Variants in ACAA2 observed in about 807,000 individuals in gnomAD.
ACAA2 encodes the protein acetyl-CoA acyltransferase 2, also known as 3-ketoacyl-CoA thiolase, mitochondrial.
Under a neutral mutation model 44.8 loss-of-function variants are expected in ACAA2, and 35 were observed. The observed-to-expected ratio is 0.78, with a 90% confidence interval of 0.60 to 1.04. The LOEUF is 1.04. Ranked by LOEUF, ACAA2 falls within the 50% of genes least tolerant of loss-of-function variation. ACAA2 has a pLI of 0.00. For synonymous variants in ACAA2, 142 were observed against 166.5 expected (o/e 0.85, Z 1.13); for missense variants, 468 against 482.6 (o/e 0.97, Z 0.28).
chr18:49,787,253 ATGT>A, intron 8 of ACAA2, 35 bp downstream of exon 8: 3 of 1,214,578 alleles, frequency 2.5e-6, no homozygotes, highest in Non-Finnish European at 2.1e-6. Flanking sequence ...TGGTTTATTC[ATGT>A]TGTTAAAAAA....
At chr18:49,798,977 C>A (rs899596944) in intron 2 of ACAA2, among the ~76,000 whole-genome samples, 6 of 151,946 alleles carry the variant, frequency 3.9e-5, no homozygotes, top group Admixed American at 3.9e-4. Context: ...TTGACAAATA[C>A]CACAAAGCTG....
chr18:49,786,926 T>G (rs1423789423), intron 8 of ACAA2, among the ~76,000 whole-genome samples: 1 of 152,168 alleles, frequency 6.6e-6, no homozygotes. Flanking sequence ...GCACTAAATA[T>G]TGCTTTTCTA....
chr18:49,791,578 C>A lies in ACAA2; in HGVS notation c.775G>T (p.Ala259Ser). The change falls in exon 7 of 10, where the codon GCT becomes TCT. Residue 259 changes from alanine (A) to serine (S), a missense_variant. Ala to Ser is a moderately conservative substitution (Grantham distance 99). Transcript: ENST00000285093. ...GCATCTTCACTAGCTATGATAACAGCTCCAGCACCATCAGCTACACCCTTG... is the reference window on the plus strand; with the variant it reads ...GCATCTTCACTAGCTATGATAACAGATCCAGCACCATCAGCTACACCCTTG... ...NASGVADGAGAVIIASEDAVK... is the reference protein window; with the variant it reads ...NASGVADGAGSVIIASEDAVK... The A allele has an allele frequency of 6.2e-7, 1 of 1,613,496 alleles. No homozygotes were observed. The highest frequency in any genetic ancestry group is 1.1e-5 in the South Asian group (1 of 91,048).
chr18:49,788,228 G>C (rs1395613271), intron 7 of ACAA2, among the ~76,000 whole-genome samples: 5 of 152,034 alleles, frequency 3.3e-5, no homozygotes, highest in Non-Finnish European at 5.9e-5. Flanking sequence ...TCTACTTCTC[G>C]ACTTGTTCTT....
At position 49,791,879 on chromosome 18, in the gene ACAA2, A is replaced by G. The variant is rs143197316; in HGVS notation, c.753+273T>C. Among the ~76,000 whole-genome samples the G allele has an allele frequency of 6.1e-4, 93 of 152,270 alleles. No homozygotes were observed. In the East Asian group the frequency reaches 0.014, roughly 22 times the overall value. On this transcript the variant is annotated intron_variant, in intron 6 of 9. Coordinates refer to ENST00000285093, the MANE Select transcript of ACAA2 (RefSeq NM_006111.3). The stretch of plus-strand genomic sequence containing the variant: ...ATACGATAAACTGTATGCATGAGAA[A>G]AAAAAAAGTTTGAAAACCAAAATAA...
chr18:49,804,279 T>G (rs532020733), intron 1 of ACAA2, among the ~76,000 whole-genome samples: 31 of 152,298 alleles, frequency 2.0e-4, no homozygotes, highest in African/African-American at 7.5e-4. Flanking sequence ...CCAATTCTAG[T>G]TCTCTCCAAA....
Position 49,783,005 on chromosome 18 carries a change from A to C in ACAA2, c.*842T>G, listed in dbSNP as rs2023284495. 6.6e-6 allele frequency: 1 copy of C among 152,224 alleles called. No individual in the cohort carries two copies. Among genetic ancestry groups the C allele is most frequent in the Non-Finnish European group, 1.5e-5 (1 of 68,050 alleles). 9.4% of individuals were successfully genotyped at this position (152,224 alleles called of 1,614,324 possible). A position where few individuals can be genotyped will look rare whatever the true frequency, so the allele number is the denominator to read the frequency against. On this transcript the variant is annotated 3_prime_UTR_variant, in exon 10 of 10. Coordinates refer to ENST00000285093, the MANE Select transcript of ACAA2 (RefSeq NM_006111.3). ...TAGAACAGACAAATAAAGCAATGGA[A>C]GTGTTGTGGGGGCATTTTAAAGGGA... is the stretch of plus-strand genomic sequence containing the variant.
chr18:49,809,854 G>C (rs535179403), intron 1 of ACAA2, among the ~76,000 whole-genome samples: 72 of 152,324 alleles, frequency 4.7e-4, no homozygotes, highest in Non-Finnish European at 1.2e-4. Flanking sequence ...GAATGAACTT[G>C]AATGCAAAAT....
chr18:49,803,507 T>G (rs1225035965), intron 1 of ACAA2, among the ~76,000 whole-genome samples: 2 of 152,134 alleles, frequency 1.3e-5, no homozygotes, highest in East Asian at 3.9e-4. Flanking sequence ...AAGACGCAAG[T>G]TGGTGGATGC....
chr18:49,788,368 C>T (rs184631367), intron 7 of ACAA2, among the ~76,000 whole-genome samples: 3 of 152,308 alleles, frequency 2.0e-5, no homozygotes, highest in African/African-American at 7.2e-5. Context: ...TCAGTCTTTA[C>T]AAGAAAGGCA....
intron 1 of ACAA2, among the ~76,000 whole-genome samples, chr18:49,806,190 G>A (rs980053322): frequency 2.0e-5 from 3 of 152,180 alleles, no homozygotes; most frequent in African/African-American, 7.2e-5. Context: ...TGCATGGAAT[G>A]GCTAGAACTC....
rs2023287531 is a variant in ACAA2, at chr18:49,783,287, G to C, written c.*560C>G. ...AACAAAATACACTGGTGGTTGTCAG[G>C]GGATGGGGGATGGGAGAATCAGGAG... On this transcript the variant is annotated 3_prime_UTR_variant, in exon 10 of 10. Coordinates refer to ENST00000285093, the MANE Select transcript of ACAA2 (RefSeq NM_006111.3). The C allele has an allele frequency of 6.6e-6, 1 of 151,814 alleles. No homozygotes were observed. The highest frequency in any genetic ancestry group is 6.5e-5 in the Admixed American group (1 of 15,282). 9.4% of individuals were successfully genotyped at this position (151,814 alleles called of 1,614,324 possible). A position where few individuals can be genotyped will look rare whatever the true frequency, so the allele number is the denominator to read the frequency against.
At position 49,787,276 on chromosome 18, in the gene ACAA2, A is replaced by AC. The variant is rs778234548; in HGVS notation, c.954+14_954+15insG. 6 of 1,464,616 alleles carry AC rather than the reference A, an allele frequency of 4.1e-6. No homozygotes were observed. The African/African-American group carries it at 4.4e-5, about 11-fold the overall frequency. The allele number at this position is 1,464,616 out of a possible 1,614,324, so 90.7% of individuals were successfully genotyped here. Reference sequence around the variant, plus strand: ...TCATGTTGTTAAAAAAAAAAAAAAAAAAAAAAACACTTACCTCTACCAAAT... The same window carrying AC: ...TCATGTTGTTAAAAAAAAAAAAAAAACAAAAAAACACTTACCTCTACCAAAT... On this transcript the variant is annotated intron_variant, in intron 8 of 9. Transcript: ENST00000285093.
chr18:49,806,056 CG>C (rs1280880810), intron 1 of ACAA2, among the ~76,000 whole-genome samples: 1 of 152,122 alleles, frequency 6.6e-6, no homozygotes, highest in Non-Finnish European at 1.5e-5. Flanking sequence ...TACTACCTGA[CG>C]GTCTTGGAAA....
At chr18:49,784,956 T>G (rs752565567) in intron 9 of ACAA2, among the ~76,000 whole-genome samples, 6 of 152,130 alleles carry the variant, frequency 3.9e-5, no homozygotes, top group Admixed American at 6.6e-5. Context: ...GGGCACACAG[T>G]GCACAGAGAC....
At chr18:49,803,501 C>T (rs7238567) in intron 1 of ACAA2, among the ~76,000 whole-genome samples, 12,749 of 152,092 alleles carry the variant, frequency 0.084, 659 homozygotes, top group African/African-American at 0.15. Flanking sequence ...GCTCTTAAGA[C>T]GCAAGTTGGT....
At chr18:49,789,474 T>C (rs1392505381) in intron 7 of ACAA2, among the ~76,000 whole-genome samples, 2 of 152,214 alleles carry the variant, frequency 1.3e-5, no homozygotes, top group Admixed American at 6.5e-5. Context: ...AAAATGACAA[T>C]CCTACCACAG....
intron 1 of ACAA2, among the ~76,000 whole-genome samples, chr18:49,811,036 C>T (rs2679726): frequency 0.84 from 122,746 of 145,534 alleles, 51,922 homozygotes; most frequent in East Asian, 0.95. Flanking sequence ...GTCAATTTTA[C>T]GTGGATACTA....
intron 8 of ACAA2, chr18:49,786,004 A>G (rs1300816691): frequency 6.6e-6 from 1 of 152,208 alleles, no homozygotes; most frequent in Non-Finnish European, 1.5e-5. Flanking sequence ...ATACTTACAC[A>G]AACTGGCAAT....
Sources: allele counts gnomAD v4.1 joint callset (sites outside exome capture counted in the v4.1 genomes callset), GRCh38; gene constraint gnomAD v4.1.1; transcripts MANE v1.5; gene names NCBI Gene and HGNC (gene_info 2026-07-23, HGNC 2026-07-21).